The following IL1RAPL1 variants were observed in gnomAD, a reference collection of about 807,000 sequenced individuals.
IL1RAPL1 encodes interleukin-1 receptor accessory protein-like 1.
In IL1RAPL1, 3 loss-of-function variants were observed where a neutral mutation model predicts 48.4. The ratio of observed to expected loss-of-function variants is 0.06; its 90% CI spans 0.03 to 0.16. The LOEUF (loss-of-function observed/expected upper bound fraction) is 0.16, where lower values mean the gene tolerates loss of function less well. Ranked by LOEUF, IL1RAPL1 falls within the 10% of genes least tolerant of loss-of-function variation. The pLI is 1.00. For missense variants in IL1RAPL1, 349 were observed against 530.6 expected, an observed-to-expected ratio of 0.66 and a Z score of 3.36; for synonymous variants, 185 against 187.7, an observed-to-expected ratio of 0.99 and a Z score of 0.12.
intron 5 of IL1RAPL1, among the ~76,000 whole-genome samples, chrX:29,540,208 C>T (rs1921388234): frequency 9.1e-6 from 1 of 109,591 alleles, no homozygotes; most frequent in Non-Finnish European, 1.9e-5. Flanking sequence ...TACATAGGAA[C>T]ACATCTAACC....
intron 3 of IL1RAPL1, among the ~76,000 whole-genome samples, chrX:29,290,722 A>G: frequency 9.0e-6 from 1 of 111,602 alleles, no homozygotes; most frequent in Non-Finnish European, 1.9e-5. Context: ...CCACTGCAAT[A>G]CAGGGTTGGC....
At chrX:29,054,141 A>G (rs888703528) in intron 2 of IL1RAPL1, among the ~76,000 whole-genome samples, 3 of 111,299 alleles carry the variant, frequency 2.7e-5, no homozygotes, top group African/African-American at 9.8e-5. Context: ...TGTGTAACAT[A>G]TAGAAAGACT....
Position 29,803,399 on chromosome X carries a change from A to G in IL1RAPL1, c.779-114065A>G, listed in dbSNP as rs776305577. On this transcript the variant is annotated intron_variant, in intron 6 of 10. Transcript: ENST00000378993. ...TATGTATACATGTATACACATATGT[A>G]TATATGTGTATATGTGTATATGTGT... Among the ~76,000 whole-genome samples, 7 of 84,927 alleles carry G rather than the reference A, an allele frequency of 8.2e-5. 1 individual carries two copies. Among genetic ancestry groups the G allele is most frequent in the Admixed American group, 2.5e-4 (2 of 7,973 alleles). 73.7% of individuals were successfully genotyped at this position (84,927 alleles called of 115,157 possible).
At chrX:29,666,526 G>T (rs1342863941) in intron 5 of IL1RAPL1, among the ~76,000 whole-genome samples, 24 of 107,522 alleles carry the variant, frequency 2.2e-4, no homozygotes, top group East Asian at 2.9e-4. Context: ...GAGCTTTAAA[G>T]AATTCCTTTA....
intron 6 of IL1RAPL1, among the ~76,000 whole-genome samples, chrX:29,723,307 G>A (rs1927686605): frequency 8.9e-6 from 1 of 112,530 alleles, no homozygotes; most frequent in African/African-American, 3.2e-5. Context: ...GGTGTGCAGT[G>A]GTGCGATCTC....
intron 6 of IL1RAPL1, among the ~76,000 whole-genome samples, chrX:29,802,773 A>ATATG (rs1555922089): frequency 3.4e-5 from 1 of 29,272 alleles, no homozygotes; most frequent in African/African-American, 2.0e-4. Context: ...ATATATATAT[A>ATATG]TATATATATG....
rs1041180093 is a variant in IL1RAPL1 at position 29,410,118 on chromosome X, G to A, written c.703+10810G>A. On this transcript the variant is annotated intron_variant, in intron 5 of 10. Coordinates refer to ENST00000378993, the MANE Select transcript of IL1RAPL1 (RefSeq NM_014271.4). The stretch of plus-strand genomic sequence containing the variant: ...ATTACAGGCGTGAGCCACTGTGCCC[G>A]GCCTGTTCTAAATTCTTCCACATAA... Among the ~76,000 whole-genome samples the A allele has an allele frequency of 5.4e-5, 6 of 110,092 alleles. 1 individual carries two copies. Among genetic ancestry groups the A allele is most frequent in the Admixed American group, 9.6e-5 (1 of 10,390 alleles).
chrX:29,611,440 A>G (rs1449224133), intron 5 of IL1RAPL1, among the ~76,000 whole-genome samples: 1 of 111,533 alleles, frequency 9.0e-6, no homozygotes, highest in African/African-American at 3.3e-5. Context: ...GAGTTGTGCC[A>G]CCTTTCTGTA....
chrX:29,342,066 CA>C (rs1275030357), intron 3 of IL1RAPL1, among the ~76,000 whole-genome samples: 1 of 109,992 alleles, frequency 9.1e-6, no homozygotes. Flanking sequence ...CTCGGCCTCC[CA>C]AAGTGCTGGG....
At chrX:29,251,468 T>C (rs1269497365) in intron 2 of IL1RAPL1, among the ~76,000 whole-genome samples, 2 of 111,737 alleles carry the variant, frequency 1.8e-5, no homozygotes, top group Non-Finnish European at 3.8e-5. Context: ...GACAGTTATA[T>C]TTATACATCT....
intron 6 of IL1RAPL1, among the ~76,000 whole-genome samples, chrX:29,869,529 CTCA>C (rs1235029144): frequency 9.0e-5 from 10 of 111,298 alleles, no homozygotes; most frequent in Non-Finnish European, 1.5e-4. Context: ...AGCTAAGAGT[CTCA>C]TCATATAACT....
chrX:29,405,058 C>T (rs1159096386), intron 5 of IL1RAPL1, among the ~76,000 whole-genome samples: 1 of 109,564 alleles, frequency 9.1e-6, no homozygotes, highest in African/African-American at 3.3e-5. Context: ...GAATTACAGA[C>T]ACGTGCCACC....
intron 2 of IL1RAPL1, among the ~76,000 whole-genome samples, chrX:28,819,878 A>G (rs1303718792): frequency 9.9e-5 from 10 of 101,200 alleles, no homozygotes; most frequent in African/African-American, 3.2e-4. Context: ...GGAGCTTTTA[A>G]ATAAAGTCTT....
intron 6 of IL1RAPL1, among the ~76,000 whole-genome samples, chrX:29,892,332 T>C (rs1325258747): frequency 8.9e-6 from 1 of 112,102 alleles, no homozygotes; most frequent in Non-Finnish European, 1.9e-5. Context: ...AGAAAAAATA[T>C]CAGGTATTTC....
intron 2 of IL1RAPL1, among the ~76,000 whole-genome samples, chrX:28,975,688 A>C (rs966673039): frequency 8.9e-6 from 1 of 112,156 alleles, no homozygotes; most frequent in Non-Finnish European, 1.9e-5. Flanking sequence ...CCTCATGGAA[A>C]ATGTTTTCTA....
intron 6 of IL1RAPL1, among the ~76,000 whole-genome samples, chrX:29,709,947 C>A (rs1296424588): frequency 1.8e-5 from 2 of 111,477 alleles, no homozygotes; most frequent in African/African-American, 6.5e-5. Flanking sequence ...TTATTAATTT[C>A]TTTTTCAGAT....
rs762377600 is a variant in IL1RAPL1, at chrX:29,372,135, G to T, written c.363-24123G>T. 2.7e-5 allele frequency among the ~76,000 whole-genome samples: 3 copies of T among 112,086 alleles called. No homozygotes were observed. The East Asian group carries it at 8.5e-4, about 32-fold the overall frequency. Reference sequence around the variant, plus strand: ...CAACCATTCTGACTGGTATGAGGTGGTATTTCATTGTGGCTTTGATTTGCA... The same window carrying T: ...CAACCATTCTGACTGGTATGAGGTGTTATTTCATTGTGGCTTTGATTTGCA... On this transcript the variant is annotated intron_variant, in intron 3 of 10. Transcript: ENST00000378993.
At chrX:28,710,595 C>G (rs1333714888) in intron 1 of IL1RAPL1, among the ~76,000 whole-genome samples, 1 of 110,130 alleles carries the variant, frequency 9.1e-6, no homozygotes, top group African/African-American at 3.3e-5. Context: ...ATTGTGGGGT[C>G]TGGATTATAT....
intron 2 of IL1RAPL1, among the ~76,000 whole-genome samples, chrX:29,191,494 C>T (rs1930351739): frequency 8.9e-6 from 1 of 111,770 alleles, no homozygotes; most frequent in Non-Finnish European, 1.9e-5. Flanking sequence ...CCCCCACCTC[C>T]CCATCAGTCT....
Sources: allele counts gnomAD v4.1 joint callset (sites outside exome capture counted in the v4.1 genomes callset), GRCh38; gene constraint gnomAD v4.1.1; transcripts MANE v1.5; gene names NCBI Gene and HGNC (gene_info 2026-07-23, HGNC 2026-07-21).